CHN2: variants seen among roughly 807,000 people sequenced by gnomAD.
CHN2 encodes beta-chimaerin.
A neutral mutation model predicts 56.3 loss-of-function variants in CHN2; 35 were observed. That is an observed-to-expected ratio of 0.62 (90% CI 0.47 to 0.82). CHN2 has a LOEUF of 0.82. Ranked by LOEUF, CHN2 falls within the 40% of genes least tolerant of loss-of-function variation. The pLI is 0.00. For synonymous variants in CHN2, 210 were observed against 212.8 expected (o/e 0.99, Z 0.12); for missense variants, 491 against 580.5 (o/e 0.85, Z 1.58).
At chr7:29,481,713 G>T (rs1186451664) in intron 7 of CHN2, among the ~76,000 whole-genome samples, 5 of 86,176 alleles carry the variant, frequency 5.8e-5, no homozygotes, top group African/African-American at 9.0e-5. Flanking sequence ...AATTTTTTTT[G>T]GCCTTAAGAA....
chr7:29,512,492 C>T (rs967376292), intron 12 of CHN2, 72 bp from the exon 13 acceptor site: 58 of 1,334,710 alleles, frequency 4.3e-5, no homozygotes, highest in African/African-American at 3.7e-4. Flanking sequence ...TCGGGACTTA[C>T]ATACATAATC....
At chr7:29,368,051 G>C in intron 3 of CHN2, 64 bp downstream of exon 3, 1 of 1,353,358 alleles carries the variant, frequency 7.4e-7, no homozygotes, top group Non-Finnish European at 1.0e-6. Context: ...ACTATGTAGA[G>C]AGTGGAGGGA....
intron 1 of CHN2, among the ~76,000 whole-genome samples, chr7:29,275,505 A>T (rs923567528): frequency 6.6e-6 from 1 of 152,238 alleles, no homozygotes; most frequent in East Asian, 1.9e-4. Context: ...AGTAATTTTA[A>T]AATAAATGAA....
intron 1 of CHN2, among the ~76,000 whole-genome samples, chr7:29,322,817 C>T (rs1795467188): frequency 6.6e-6 from 1 of 152,200 alleles, no homozygotes; most frequent in South Asian, 2.1e-4. Context: ...CTAACAGCTT[C>T]TTGTAATGGG....
At chr7:29,459,730 G>A (rs557853085) in intron 6 of CHN2, among the ~76,000 whole-genome samples, 1 of 152,218 alleles carries the variant, frequency 6.6e-6, no homozygotes, top group South Asian at 2.1e-4. Flanking sequence ...ACCCTAGCAG[G>A]GCTCCTTGTC....
At chr7:29,175,018 G>A (rs1407755767) in intron 2 of CHN2, among the ~76,000 whole-genome samples, 2 of 152,084 alleles carry the variant, frequency 1.3e-5, no homozygotes, top group Non-Finnish European at 2.9e-5. Context: ...GTTTGGCTGT[G>A]TCCACACCCA....
At chr7:29,400,886 G>T in intron 6 of CHN2, 58 bp downstream of exon 6, 1 of 1,554,662 alleles carries the variant, frequency 6.4e-7, no homozygotes, top group Non-Finnish European at 8.7e-7. Context: ...ATCAACAGGC[G>T]GGTTAACTAT....
chr7:29,501,393 G>C (rs993313083), intron 9 of CHN2, among the ~76,000 whole-genome samples: 1 of 152,300 alleles, frequency 6.6e-6, no homozygotes, highest in Middle Eastern at 3.4e-3. Flanking sequence ...CTCTGGATGA[G>C]TGGTTGGGAC....
upstream of CHN2, among the ~76,000 whole-genome samples, chr7:29,190,985 G>A (rs1055056531): frequency 7.2e-5 from 11 of 151,796 alleles, no homozygotes; most frequent in African/African-American, 2.7e-4. Context: ...CCCAGGCTGG[G>A]GTGCAGTGGC....
rs183804807 is a variant in CHN2, at chr7:29,484,103, C to T, written c.654+3747C>T. On this transcript the variant is annotated intron_variant, in intron 7 of 12. Transcript: ENST00000222792. ...CTTCATGGCTTTTTTTCTTTTGTCTCTTTTCTACCATCTCTTTCTTCTTCT... is the reference window on the plus strand; with the variant it reads ...CTTCATGGCTTTTTTTCTTTTGTCTTTTTTCTACCATCTCTTTCTTCTTCT... The T allele has an allele frequency of 7.3e-4, 282 of 386,476 alleles. 1 individual carries two copies. The highest frequency in any genetic ancestry group is 5.6e-3 in the African/African-American group (265 of 46,932). The allele number at this position is 386,476 out of a possible 1,614,324, so 23.9% of individuals were successfully genotyped here.
At chr7:29,425,139 C>T (rs1804730296) in intron 6 of CHN2, among the ~76,000 whole-genome samples, 1 of 152,200 alleles carries the variant, frequency 6.6e-6, no homozygotes, top group Admixed American at 6.5e-5. Flanking sequence ...GTTCGCTGTC[C>T]CTCTAGCAAT....
chr7:29,339,853 C>CA (rs558957798), intron 1 of CHN2, among the ~76,000 whole-genome samples: 1,396 of 139,548 alleles, frequency 0.01, 29 homozygotes, highest in African/African-American at 0.033. Flanking sequence ...AACTCCGTCT[C>CA]AAAAAAAAAA....
intron 2 of CHN2, among the ~76,000 whole-genome samples, chr7:29,159,398 C>A (rs1794875776): frequency 6.6e-6 from 1 of 152,128 alleles, no homozygotes; most frequent in South Asian, 2.1e-4. Context: ...TTATTCTATA[C>A]CAGAATAATG....
At chr7:29,404,078 C>T (rs2285849) in intron 6 of CHN2, among the ~76,000 whole-genome samples, 8,805 of 152,228 alleles carry the variant, frequency 0.058, 340 homozygotes, top group African/African-American at 0.1. Flanking sequence ...CCTGATTCCA[C>T]GCTCAAAGCT....
At chr7:29,491,490 C>T (rs1198081855) in intron 7 of CHN2, among the ~76,000 whole-genome samples, 3 of 152,118 alleles carry the variant, frequency 2.0e-5, no homozygotes, top group Non-Finnish European at 2.9e-5. Context: ...CTCATTTTAG[C>T]CCTGGACACC....
intron 1 of CHN2, among the ~76,000 whole-genome samples, chr7:29,286,330 G>A (rs1792143687): frequency 6.6e-6 from 1 of 151,900 alleles, no homozygotes; most frequent in South Asian, 2.1e-4. Context: ...TATTTCAGAG[G>A]AGGAATCTTT....
chr7:29,460,527 G>T (rs2128137249), intron 6 of CHN2, among the ~76,000 whole-genome samples: 1 of 152,344 alleles, frequency 6.6e-6, no homozygotes, highest in South Asian at 2.1e-4. Flanking sequence ...CTAATTCATA[G>T]ATGTTCCTCG....
intron 5 of CHN2, 196 bp from the exon 6 acceptor site, chr7:29,400,347 T>C: frequency 1.6e-6 from 1 of 606,436 alleles, no homozygotes; most frequent in Non-Finnish European, 3.0e-6. Flanking sequence ...TCAGTTACCT[T>C]TGCGGTAAGA....
intron 12 of CHN2, among the ~76,000 whole-genome samples, chr7:29,512,134 T>G (rs1173316035): frequency 6.6e-6 from 1 of 151,500 alleles, no homozygotes; most frequent in Non-Finnish European, 1.5e-5. Context: ...ATCCTGCCCT[T>G]CCCTTCCCAC....
Sources: gnomAD v4.1 joint callset for allele counts (sites outside exome capture counted in the v4.1 genomes callset) on GRCh38, gnomAD v4.1.1 for gene constraint, MANE v1.5 for transcripts, NCBI Gene and HGNC (gene_info 2026-07-23, HGNC 2026-07-21) for gene names.